AAK1: variants seen among roughly 807,000 people sequenced by gnomAD.
AAK1 encodes the protein AP2-associated protein kinase 1.
In AAK1, 37 loss-of-function variants were observed where a neutral mutation model predicts 116.0. That is an observed-to-expected ratio of 0.32 (90% confidence interval 0.25 to 0.42). The LOEUF (loss-of-function observed/expected upper bound fraction) is 0.42, where lower values mean the gene tolerates loss of function less well. Ranked by LOEUF, AAK1 falls within the 10% of genes least tolerant of loss-of-function variation. AAK1 has a pLI of 1.00. For synonymous variants in AAK1, 458 were observed against 439.9 expected (o/e 1.04, Z -0.51); for missense variants, 919 against 1,170.6 (o/e 0.79, Z 3.14).
intron 10 of AAK1, among the ~76,000 whole-genome samples, chr2:69,522,674 C>T (rs76225122): frequency 0.016 from 2,426 of 151,998 alleles, 44 homozygotes; most frequent in African/African-American, 0.033. Flanking sequence ...TGTGGTGGCA[C>T]GCGCCTGTAG....
In AAK1 at chr2:69,476,958, CA is replaced by C; in HGVS notation, c.2712del (p.Phe904LeufsTer21). On this transcript the variant is annotated frameshift_variant, in exon 21 of 22. Transcript: ENST00000409085. LOFTEE classifies it high-confidence loss of function. ...ACCTTGTCCGAGCCCTCAGGGACAT[CA>C]AAACCTGAGATGAGATTACTATCTT... ...AAEDSNLISG[F>X]DVPEGSDKVA... 1 of 1,613,184 alleles carries C rather than the reference CA, an allele frequency of 6.2e-7. No individual in the cohort carries two copies. Among genetic ancestry groups the C allele is most frequent in the East Asian group, 2.2e-5 (1 of 44,846 alleles).
At chr2:69,550,646 TG>T (rs1209754550) in intron 3 of AAK1, among the ~76,000 whole-genome samples, 2 of 151,900 alleles carry the variant, frequency 1.3e-5, no homozygotes, top group Non-Finnish European at 2.9e-5. Context: ...GACAGAATCT[TG>T]TTCTGTCGCC....
chr2:69,498,620 C>T (rs1423471596), intron 16 of AAK1, among the ~76,000 whole-genome samples: 1 of 152,090 alleles, frequency 6.6e-6, no homozygotes, highest in Non-Finnish European at 1.5e-5. Context: ...GCCACCTCTG[C>T]CACCCTTAAT....
At chr2:69,514,394 T>C in intron 13 of AAK1, 77 bp downstream of exon 13, 2 of 1,450,932 alleles carry the variant, frequency 1.4e-6, no homozygotes, top group East Asian at 2.5e-5. Flanking sequence ...GCTGCTGCCA[T>C]CTTTCCCACC....
At chr2:69,568,184 T>C (rs981592344) in intron 2 of AAK1, among the ~76,000 whole-genome samples, 10 of 152,212 alleles carry the variant, frequency 6.6e-5, no homozygotes, top group African/African-American at 2.4e-4. Flanking sequence ...CAAAAGAGAA[T>C]GGGAGACTCA....
At chr2:69,629,946 T>A (rs1369597144) in intron 2 of AAK1, among the ~76,000 whole-genome samples, 1 of 151,954 alleles carries the variant, frequency 6.6e-6, no homozygotes, top group African/African-American at 2.4e-5. Context: ...ATACCTAGGC[T>A]AGGTAAAATA....
intron 2 of AAK1, among the ~76,000 whole-genome samples, chr2:69,578,625 A>C (rs1340834821): frequency 6.6e-6 from 1 of 152,082 alleles, no homozygotes; most frequent in African/African-American, 2.4e-5. Context: ...CAACGTTTAC[A>C]TTCCCTGCTC....
intron 5 of AAK1, among the ~76,000 whole-genome samples, chr2:69,533,876 C>A (rs1670356735): frequency 6.6e-6 from 1 of 152,208 alleles, no homozygotes; most frequent in African/African-American, 2.4e-5. Flanking sequence ...AGGAGAGATT[C>A]ATTCCTTTGA....
Position 69,587,260 on chromosome 2 carries a change from T to TAC in AAK1, c.164-30284_164-30283dup, listed in dbSNP as rs1339850024. On this transcript the variant is annotated intron_variant, in intron 2 of 21. Transcript: ENST00000409085. ...CCACCATGCTCAGCTTATATATATA[T>TAC]ACACATGTGTATATATACACACATG... Among the ~76,000 whole-genome samples the TAC allele has an allele frequency of 3.3e-5, 5 of 150,794 alleles. No individual in the cohort carries two copies. The East Asian group carries it at 5.8e-4, about 18-fold the overall frequency.
chr2:69,510,598 C>G (rs1004646736), intron 13 of AAK1, among the ~76,000 whole-genome samples: 1 of 152,158 alleles, frequency 6.6e-6, no homozygotes, highest in Middle Eastern at 3.2e-3. Flanking sequence ...TAGTAGTTCT[C>G]TTTTTAGCTC....
chr2:69,643,133 T>G lies in AAK1; in HGVS notation c.-93A>C. 1 of 1,436,502 alleles carries G rather than the reference T, an allele frequency of 7.0e-7. No individual in the cohort carries two copies. The allele number at this position is 1,436,502 out of a possible 1,614,324, so 89.0% of individuals were successfully genotyped here. On this transcript the variant is annotated 5_prime_UTR_variant, in exon 2 of 22. Coordinates refer to ENST00000409085, the MANE Select transcript of AAK1 (RefSeq NM_014911.5). ...TTAAGAAAAGAGATCCAAGGATTTC[T>G]TCTCAGATTTCACCTCGGAGAGGAG...
rs544080827 is a variant in AAK1 at position 69,579,224 on chromosome 2, T to C, written c.164-22246A>G. On this transcript the variant is annotated intron_variant, in intron 2 of 21. Transcript: ENST00000409085. The stretch of plus-strand genomic sequence containing the variant: ...CCTCTCTGTGGCTCAATCAAGCGGA[T>C]GGTTTTCAGATGGCACCTTGTGTGA... 2.6e-5 allele frequency among the ~76,000 whole-genome samples: 4 copies of C among 152,324 alleles called. No homozygotes were observed. In the East Asian group the frequency reaches 5.8e-4, roughly 22 times the overall value.
chr2:69,480,353 G>A (rs954305363), intron 19 of AAK1, among the ~76,000 whole-genome samples: 13 of 151,764 alleles, frequency 8.6e-5, no homozygotes, highest in East Asian at 3.9e-4. Context: ...TAGGGTACAA[G>A]TAATACTACA....
At chr2:69,498,816 A>G (rs1411620475) in intron 16 of AAK1, among the ~76,000 whole-genome samples, 1 of 152,218 alleles carries the variant, frequency 6.6e-6, no homozygotes, top group Non-Finnish European at 1.5e-5. Flanking sequence ...GTGGGAACCC[A>G]GTGCCCCAGG....
At chr2:69,589,189 G>A (rs1672917965) in intron 2 of AAK1, among the ~76,000 whole-genome samples, 1 of 152,200 alleles carries the variant, frequency 6.6e-6, no homozygotes. Context: ...AGGAAACAAG[G>A]TGGCACTACG....
Position 69,458,006 on chromosome 2 carries a change from T to G in AAK1, c.*17863A>C, listed in dbSNP as rs1184992057. 2 of 152,180 alleles carry G rather than the reference T, an allele frequency of 1.3e-5. No homozygotes were observed. The highest frequency in any genetic ancestry group is 4.8e-5 in the African/African-American group (2 of 41,430). 9.4% of individuals were successfully genotyped at this position (152,180 alleles called of 1,614,324 possible). On this transcript the variant is annotated 3_prime_UTR_variant, in exon 22 of 22. Transcript: ENST00000409085. ...TTGCACAAAGCATAAATCACTTAAT[T>G]AGGTCCATTTTAATAAAGGGTATAG...
Position 69,544,501 on chromosome 2 carries a change from G to A in AAK1, c.326C>T (p.Ser109Phe), listed in dbSNP as rs762299051. The A allele has an allele frequency of 6.2e-7, 1 of 1,613,808 alleles. No homozygotes were observed. Among genetic ancestry groups the A allele is most frequent in the Non-Finnish European group, 8.5e-7 (1 of 1,179,794 alleles). ...GHKNIVGYID[S>F]SINNVSSGDV... ...ACCGCTACTCACGTTGTTGATACTA[G>A]AATCAATGTAACCCACAATATTCTT... The change falls in exon 4 of 22, where the codon TCT (serine) becomes TTT (phenylalanine). Residue 109 changes from serine to phenylalanine, a missense_variant. Physicochemically the swap from Ser to Phe is radical, Grantham distance 155. This residue lies in a region of AAK1 where 317 missense variants were observed against 490.4 expected (regional missense o/e 0.65). Transcript: ENST00000409085.
intron 2 of AAK1, among the ~76,000 whole-genome samples, chr2:69,582,051 G>A (rs1054661159): frequency 1.3e-5 from 2 of 151,632 alleles, no homozygotes; most frequent in South Asian, 4.2e-4. Flanking sequence ...GACAAATTTT[G>A]GCTTTTGCAT....
intron 2 of AAK1, among the ~76,000 whole-genome samples, chr2:69,603,745 T>C (rs1461777074): frequency 6.6e-6 from 1 of 152,022 alleles, no homozygotes; most frequent in Non-Finnish European, 1.5e-5. Context: ...ATTAAAATCA[T>C]CATCATCATC....
Sources: allele counts gnomAD v4.1 joint callset (sites outside exome capture counted in the v4.1 genomes callset), GRCh38; gene constraint gnomAD v4.1.1; regional missense constraint gnomAD v4.1.1; transcripts MANE v1.5; gene names NCBI Gene and HGNC (gene_info 2026-07-23, HGNC 2026-07-21).